Variants in FLT1 observed in about 807,000 individuals in gnomAD.
FLT1 encodes the protein fms related receptor tyrosine kinase 1.
A neutral mutation model predicts 156.3 loss-of-function variants in FLT1; 49 were observed. The ratio of observed to expected loss-of-function variants is 0.31; its 90% CI spans 0.25 to 0.40. The LOEUF (loss-of-function observed/expected upper bound fraction) is 0.40. Among genes scored for constraint, FLT1 ranks in the 10% least tolerant of loss-of-function variants. The probability of loss-of-function intolerance (pLI) is 1.00; values close to 1 mark genes in which losing one functional copy is unlikely to be tolerated. For synonymous variants in FLT1, 594 were observed against 583.8 expected (o/e 1.02, Z -0.25); for missense variants, 1,322 against 1,637.2 (o/e 0.81, Z 3.32).
rs540974991 is a variant in FLT1 at position 28,359,452 on chromosome 13, A to G, written c.2117-1767T>C. Among the ~76,000 whole-genome samples the G allele has an allele frequency of 5.9e-4, 90 of 152,356 alleles. 1 individual carries two copies. The highest frequency in any genetic ancestry group is 1.9e-3 in the African/African-American group (80 of 41,584). On this transcript the variant is annotated intron_variant, in intron 14 of 29. Transcript: ENST00000282397. ...AAACTACTAGAAGAAAATGTGGGGG[A>G]AAAACTCCACGATATTGGTCTGGGA...
At chr13:28,465,716 G>T (rs559010455) in intron 3 of FLT1, among the ~76,000 whole-genome samples, 2 of 152,198 alleles carry the variant, frequency 1.3e-5, no homozygotes, top group East Asian at 3.9e-4. Context: ...GGTGGCAGAC[G>T]CCTGTAATCC....
intron 29 of FLT1, 40 bp downstream of exon 29, chr13:28,306,638 C>T: frequency 7.3e-7 from 1 of 1,376,002 alleles, no homozygotes; most frequent in Non-Finnish European, 1.0e-6. Flanking sequence ...CCCTCGTACC[C>T]CTCCATCAAC....
At chr13:28,342,032 G>A (rs1872353769) in intron 16 of FLT1, among the ~76,000 whole-genome samples, 1 of 152,030 alleles carries the variant, frequency 6.6e-6, no homozygotes, top group African/African-American at 2.4e-5. Flanking sequence ...ATAGGCGCCT[G>A]CCACCATGCC....
In FLT1 at chr13:28,321,449, T is replaced by C. The variant is rs1251704619; in HGVS notation, c.3174+14A>G. The C allele has an allele frequency of 4.3e-6, 7 of 1,613,552 alleles. No individual in the cohort carries two copies. In the African/African-American group the frequency reaches 8.0e-5, roughly 18 times the overall value. On this transcript the variant is annotated intron_variant, in intron 23 of 29. Coordinates refer to ENST00000282397, the MANE Select transcript of FLT1 (RefSeq NM_002019.4). ...AGGACACACATGAGTCAAATAAACA[T>C]CAAACTGACTTACATCTCCTTTTCT... is the stretch of plus-strand genomic sequence containing the variant.
chr13:28,393,576 GTGTT>G (rs1359044060), intron 12 of FLT1, among the ~76,000 whole-genome samples: 1 of 152,082 alleles, frequency 6.6e-6, no homozygotes, highest in Non-Finnish European at 1.5e-5. Context: ...AAAAATTTTT[GTGTT>G]TGTTTTTGTT....
At chr13:28,411,451 C>T (rs1876169151) in intron 10 of FLT1, among the ~76,000 whole-genome samples, 1 of 146,528 alleles carries the variant, frequency 6.8e-6, no homozygotes, top group African/African-American at 2.5e-5. Context: ...GAGGCTGAGG[C>T]AGGAGAATCG....
intron 10 of FLT1, among the ~76,000 whole-genome samples, chr13:28,408,632 AG>A (rs1436221462): frequency 1.3e-5 from 2 of 152,216 alleles, no homozygotes; most frequent in African/African-American, 4.8e-5. Flanking sequence ...AACTGTCTTG[AG>A]GGGGGAGGAA....
chr13:28,317,135 C>A (rs2138821882), intron 25 of FLT1, among the ~76,000 whole-genome samples: 1 of 152,326 alleles, frequency 6.6e-6, no homozygotes, highest in East Asian at 1.9e-4. Context: ...CTGTTTGGCT[C>A]CCACTCCGTG....
intron 15 of FLT1, among the ~76,000 whole-genome samples, chr13:28,354,320 A>C (rs1292867738): frequency 6.6e-6 from 1 of 152,198 alleles, no homozygotes; most frequent in Non-Finnish European, 1.5e-5. Flanking sequence ...ATTAACATTC[A>C]AAATTTCTTC....
At chr13:28,341,920 T>A (rs1004459212) in intron 16 of FLT1, among the ~76,000 whole-genome samples, 1 of 152,212 alleles carries the variant, frequency 6.6e-6, no homozygotes, top group Non-Finnish European at 1.5e-5. Flanking sequence ...CTCACTCTTG[T>A]CGCCTAGGCT....
chr13:28,321,708 TCG>T, intron 22 of FLT1, 123 bp from the exon 23 acceptor site: 1 of 934,700 alleles, frequency 1.1e-6, no homozygotes, highest in South Asian at 1.4e-5. Flanking sequence ...GGAGCACCTC[TCG>T]GTGCACACAG....
intron 3 of FLT1, among the ~76,000 whole-genome samples, chr13:28,462,007 A>G (rs1476684485): frequency 1.3e-5 from 2 of 152,212 alleles, no homozygotes; most frequent in Non-Finnish European, 2.9e-5. Context: ...ACAGGGATGA[A>G]CTAGAAGGGA....
At chr13:28,446,307 A>G (rs1246093330) in intron 3 of FLT1, among the ~76,000 whole-genome samples, 1 of 152,204 alleles carries the variant, frequency 6.6e-6, no homozygotes, top group Non-Finnish European at 1.5e-5. Context: ...TTCCAGACAG[A>G]GCAATTGGGC....
chr13:28,301,119 A>G lies in FLT1; in HGVS notation c.*2048T>C. On this transcript the variant is annotated 3_prime_UTR_variant, in exon 30 of 30. Coordinates refer to ENST00000282397, the MANE Select transcript of FLT1 (RefSeq NM_002019.4). ...AATTAATTATTGAAATCAAGACATG[A>G]ATAGCTAAGGTTTTATTTGTTATCA... 1 of 232,590 alleles carries G rather than the reference A, an allele frequency of 4.3e-6. No homozygotes were observed. The highest frequency in any genetic ancestry group is 6.1e-5 in the East Asian group (1 of 16,482). 14.4% of individuals were successfully genotyped at this position (232,590 alleles called of 1,614,324 possible). A position where few individuals can be genotyped will look rare whatever the true frequency, so the allele number is the denominator to read the frequency against.
At chr13:28,445,669 AC>A (rs1262797594) in intron 3 of FLT1, among the ~76,000 whole-genome samples, 1 of 152,170 alleles carries the variant, frequency 6.6e-6, no homozygotes, top group Non-Finnish European at 1.5e-5. Context: ...TGTAACAACA[AC>A]AACAACAACA....
At chr13:28,330,253 G>T (rs866796581) in intron 18 of FLT1, among the ~76,000 whole-genome samples, 1 of 152,178 alleles carries the variant, frequency 6.6e-6, no homozygotes, top group African/African-American at 2.4e-5. Context: ...GGTTATCTTG[G>T]GTTGTGAGGA....
chr13:28,430,099 A>G lies in FLT1; in HGVS notation c.1057T>C (p.Tyr353His). ...VLETVAGKRSYRLSMKVKAFP... is the reference protein window; with the variant it reads ...VLETVAGKRSHRLSMKVKAFP... ...GCCTTCACTTTCATAGAGAGCCGGT[A>G]AGACCGCTTGCCAGCTACGGTTTCA... The change falls in exon 8 of 30, where the codon TAC becomes CAC. Residue 353 changes from tyrosine to histidine, a missense_variant. Physicochemically the swap from Tyr to His is moderately conservative, Grantham distance 83 (BLOSUM62 2). Around this residue, in one of 3 missense-constraint regions of FLT1, gnomAD observed 991 missense variants for 1,254.8 expected, o/e 0.79. Coordinates refer to ENST00000282397, the MANE Select transcript of FLT1 (RefSeq NM_002019.4). The G allele has an allele frequency of 1.2e-6, 2 of 1,614,000 alleles. No individual in the cohort carries two copies. Among genetic ancestry groups the G allele is most frequent in the Non-Finnish European group, 8.5e-7 (1 of 1,179,840 alleles).
chr13:28,405,441 C>T (rs907113095), intron 11 of FLT1, among the ~76,000 whole-genome samples: 4 of 152,188 alleles, frequency 2.6e-5, no homozygotes, highest in Non-Finnish European at 4.4e-5. Context: ...GAAGATTTTA[C>T]GAGCCCTAGG....
intron 1 of FLT1, among the ~76,000 whole-genome samples, chr13:28,491,258 T>C (rs1881458286): frequency 6.6e-6 from 1 of 152,228 alleles, no homozygotes; most frequent in South Asian, 2.1e-4. Context: ...AGTAATTACT[T>C]GGTTTGTTTC....
Sources: allele counts gnomAD v4.1 joint callset (sites outside exome capture counted in the v4.1 genomes callset), GRCh38; gene constraint gnomAD v4.1.1; regional missense constraint gnomAD v4.1.1; transcripts MANE v1.5; gene names NCBI Gene and HGNC (gene_info 2026-07-23, HGNC 2026-07-21).